The following FAM120A variants were observed in gnomAD, a reference collection of about 807,000 sequenced individuals.
The protein encoded by FAM120A is family with sequence similarity 120 member A, also known as constitutive coactivator of PPAR-gamma-like protein 1.
Under a neutral mutation model 109.7 loss-of-function variants are expected in FAM120A, and 15 were observed. The ratio of observed to expected loss-of-function variants is 0.14; its 90% CI spans 0.09 to 0.21. The LOEUF is 0.21. Among genes scored for constraint, FAM120A ranks in the 10% least tolerant of loss-of-function variants. FAM120A has a pLI of 1.00. For missense variants in FAM120A, 899 were observed against 1,439.3 expected, an observed-to-expected ratio of 0.62 and a Z score of 6.07; for synonymous variants, 493 against 572.8, an observed-to-expected ratio of 0.86 and a Z score of 1.99.
chr9:93,475,451 G>T (rs1170065527), intron 2 of FAM120A, among the ~76,000 whole-genome samples: 2 of 152,126 alleles, frequency 1.3e-5, no homozygotes, highest in African/African-American at 4.8e-5. Context: ...GCAAATTAAT[G>T]AATTTGCTAT....
Position 93,559,513 on chromosome 9 carries a change from A to G in FAM120A, c.2806+795A>G, listed in dbSNP as rs752947271. 2.7e-4 allele frequency among the ~76,000 whole-genome samples: 41 copies of G among 152,382 alleles called. 1 individual carries two copies. Among genetic ancestry groups the G allele is most frequent in the Middle Eastern group, 3.4e-3 (1 of 294 alleles). ...AGGCCAGCAAGGGAACTGTGCGGAA[A>G]GGTGACTTGCAGATTTGGCGACGGG... is the stretch of plus-strand genomic sequence containing the variant. On this transcript the variant is annotated intron_variant, in intron 15 of 17. Transcript: ENST00000277165.
At chr9:93,555,296 T>C (rs1167798768) in intron 12 of FAM120A, among the ~76,000 whole-genome samples, 1 of 152,078 alleles carries the variant, frequency 6.6e-6, no homozygotes, top group Non-Finnish European at 1.5e-5. Flanking sequence ...CTTCTCCAGG[T>C]TTTGGAAGGT....
intron 5 of FAM120A, among the ~76,000 whole-genome samples, chr9:93,513,773 G>A (rs1214516801): frequency 6.6e-6 from 1 of 152,206 alleles, no homozygotes; most frequent in Non-Finnish European, 1.5e-5. Context: ...GACCATGCTT[G>A]GCTCTCAGGA....
intron 1 of FAM120A, among the ~76,000 whole-genome samples, chr9:93,458,829 G>T (rs534090251): frequency 6.6e-6 from 1 of 152,266 alleles, no homozygotes; most frequent in East Asian, 1.9e-4. Flanking sequence ...CACATCTTCA[G>T]GGAGGTCACT....
intron 2 of FAM120A, among the ~76,000 whole-genome samples, chr9:93,472,105 C>G (rs1444172604): frequency 6.6e-6 from 1 of 152,048 alleles, no homozygotes; most frequent in Non-Finnish European, 1.5e-5. Flanking sequence ...ACTAAAAATA[C>G]AAAAATTAGC....
At chr9:93,497,070 T>C (rs1230812116) in intron 3 of FAM120A, among the ~76,000 whole-genome samples, 1 of 152,158 alleles carries the variant, frequency 6.6e-6, no homozygotes, top group Non-Finnish European at 1.5e-5. Flanking sequence ...TCTTTGTTGG[T>C]TGGTGTTGAA....
intron 7 of FAM120A, among the ~76,000 whole-genome samples, chr9:93,519,872 AATTATT>A (rs1283144399): frequency 2.0e-5 from 3 of 152,062 alleles, no homozygotes; most frequent in African/African-American, 7.2e-5. Flanking sequence ...GGTTTTCTAA[AATTATT>A]ATTATTATTT....
intron 7 of FAM120A, among the ~76,000 whole-genome samples, chr9:93,523,859 A>G (rs1331403489): frequency 6.6e-5 from 10 of 152,268 alleles, no homozygotes; most frequent in African/African-American, 2.4e-4. Context: ...TAGCTTAACT[A>G]GAGCATGAGG....
intron 3 of FAM120A, among the ~76,000 whole-genome samples, chr9:93,478,895 G>A (rs1318160515): frequency 6.6e-6 from 1 of 152,150 alleles, no homozygotes. Flanking sequence ...TGATGGATGT[G>A]CTACAGAATT....
chr9:93,526,087 G>A (rs1185956731), intron 7 of FAM120A, among the ~76,000 whole-genome samples: 1 of 152,230 alleles, frequency 6.6e-6, no homozygotes, highest in Admixed American at 6.5e-5. Context: ...ATGCTGGCAT[G>A]TCCTATGGCC....
At chr9:93,552,013 G>A (rs951789729) in intron 12 of FAM120A, among the ~76,000 whole-genome samples, 3 of 152,166 alleles carry the variant, frequency 2.0e-5, no homozygotes, top group African/African-American at 4.8e-5. Flanking sequence ...CATCACCACC[G>A]TCTTCGTCAC....
Position 93,565,155 on chromosome 9 carries a change from A to G in FAM120A, c.*615A>G, listed in dbSNP as rs190559287. On this transcript the variant is annotated 3_prime_UTR_variant, in exon 18 of 18. Coordinates refer to ENST00000277165, the MANE Select transcript of FAM120A (RefSeq NM_014612.5). ...TCTGCTGATTTTAAATATACAATAC[A>G]TCATACATACTTTACAAGCAAGTTA... The G allele has an allele frequency of 1.3e-5, 2 of 152,676 alleles. No homozygotes were observed. The highest frequency in any genetic ancestry group is 2.9e-5 in the Non-Finnish European group (2 of 68,038). The allele number at this position is 152,676 out of a possible 1,614,324, so 9.5% of individuals were successfully genotyped here.
chr9:93,528,291 T>G (rs1254635431), intron 8 of FAM120A, among the ~76,000 whole-genome samples: 1 of 152,240 alleles, frequency 6.6e-6, no homozygotes, highest in Non-Finnish European at 1.5e-5. Flanking sequence ...ACTTTGTGTT[T>G]TAAAAAATAA....
chr9:93,556,561 G>T lies in FAM120A; in HGVS notation c.2454G>T (p.Lys818Asn). The T allele has an allele frequency of 6.2e-7, 1 of 1,614,204 alleles. No homozygotes were observed. Among genetic ancestry groups the T allele is most frequent in the Non-Finnish European group, 8.5e-7 (1 of 1,180,006 alleles). Residue 818 changes from lysine to asparagine, a missense_variant, in exon 13 of 18, where the codon AAG becomes AAT. Physicochemically the swap from Lys to Asn is moderately conservative, Grantham distance 94 (BLOSUM62 0). This residue lies in a region of FAM120A where 31 missense variants were observed against 73.0 expected (regional missense o/e 0.42). Coordinates refer to ENST00000277165, the MANE Select transcript of FAM120A (RefSeq NM_014612.5). Reference sequence around the variant, plus strand: ...AACTCCTCAAAGCCAGCCGGGAAAAGACCCCACTCATTGACCTCTGTGATG... The same window carrying T: ...AACTCCTCAAAGCCAGCCGGGAAAATACCCCACTCATTGACCTCTGTGATG... ...QSKLLKASRE[K>N]TPLIDLCDGQ...
At chr9:93,480,725 G>T (rs1424212812) in intron 3 of FAM120A, among the ~76,000 whole-genome samples, 1 of 151,960 alleles carries the variant, frequency 6.6e-6, no homozygotes, top group Non-Finnish European at 1.5e-5. Context: ...TCTTAAAAGG[G>T]TCATATCTTT....
At chr9:93,503,045 T>C (rs1009354534) in intron 5 of FAM120A, among the ~76,000 whole-genome samples, 7 of 152,192 alleles carry the variant, frequency 4.6e-5, no homozygotes, top group African/African-American at 1.7e-4. Context: ...GAAAAGTAAA[T>C]GGGCTCCTAC....
intron 1 of FAM120A, among the ~76,000 whole-genome samples, chr9:93,464,765 C>T (rs535271039): frequency 2.5e-4 from 38 of 152,340 alleles, no homozygotes; most frequent in African/African-American, 9.1e-4. Context: ...GCTCATAGTT[C>T]GAAGTCTGAT....
chr9:93,524,538 A>G (rs910927769), intron 7 of FAM120A, among the ~76,000 whole-genome samples: 16 of 152,320 alleles, frequency 1.1e-4, no homozygotes, highest in African/African-American at 3.4e-4. Context: ...ACCCCATCCT[A>G]TAGTGCTGGG....
intron 10 of FAM120A, among the ~76,000 whole-genome samples, chr9:93,536,137 A>G (rs750179448): frequency 3.3e-5 from 5 of 152,234 alleles, no homozygotes; most frequent in Non-Finnish European, 7.3e-5. Context: ...AAGATGGAAC[A>G]ATGATTGTAT....
Sources: allele counts gnomAD v4.1 joint callset (sites outside exome capture counted in the v4.1 genomes callset), GRCh38; gene constraint gnomAD v4.1.1; regional missense constraint gnomAD v4.1.1; transcripts MANE v1.5; gene names NCBI Gene and HGNC (gene_info 2026-07-23, HGNC 2026-07-21).